MROH9: variants seen among roughly 807,000 people sequenced by gnomAD.
MROH9 encodes the protein maestro heat like repeat family member 9, also known as maestro heat-like repeat-containing protein family member 9.
Under a neutral mutation model 98.2 loss-of-function variants are expected in MROH9, and 92 were observed. That is an observed-to-expected ratio of 0.94 (90% CI 0.79 to 1.11). The LOEUF (loss-of-function observed/expected upper bound fraction) is 1.11, where lower values mean the gene tolerates loss of function less well. MROH9 is among the 50% of genes most tolerant of loss of function. The pLI, the probability that MROH9 is intolerant of heterozygous loss-of-function variation, is 0.00. For synonymous variants in MROH9, 397 were observed against 368.9 expected, an observed-to-expected ratio of 1.08 and a Z score of -0.87; for missense variants, 1,057 against 1,014.8, an observed-to-expected ratio of 1.04 and a Z score of -0.57.
In MROH9 at chr1:171,024,425, C is replaced by A. The variant is rs17346397; in HGVS notation, c.1939C>A (p.Arg647=). The change falls in exon 18 of 22, where the codon CGA becomes AGA. Residue 647 remains arginine (R), a synonymous_variant. Coordinates refer to ENST00000367759, the MANE Select transcript of MROH9 (RefSeq NM_001163629.2). ...INGGIRSMAI[R]HFGQLVRDMR... ...TGGAGGCATTCGAAGTATGGCAATTCGACACTTTGGTCAATTAGTTAGGGA... is the reference window on the plus strand; with the variant it reads ...TGGAGGCATTCGAAGTATGGCAATTAGACACTTTGGTCAATTAGTTAGGGA... The A allele has an allele frequency of 6.4e-7, 1 of 1,550,760 alleles. No individual in the cohort carries two copies. Among genetic ancestry groups the A allele is most frequent in the Admixed American group, 2.0e-5 (1 of 50,912 alleles).
chr1:170,985,956 T>C (rs1291886745), intron 9 of MROH9, among the ~76,000 whole-genome samples: 1 of 152,158 alleles, frequency 6.6e-6, no homozygotes, highest in Non-Finnish European at 1.5e-5. Flanking sequence ...GAATGACTTT[T>C]TTTTTTTCCA....
At chr1:171,013,454 A>C (rs1652226270) in intron 15 of MROH9, among the ~76,000 whole-genome samples, 1 of 152,158 alleles carries the variant, frequency 6.6e-6, no homozygotes, top group Non-Finnish European at 1.5e-5. Flanking sequence ...TCTGAGGTAG[A>C]AGAGTTTTAC....
At chr1:170,945,438 T>C (rs1240684372) in intron 1 of MROH9, 82 bp from the exon 2 acceptor site, 2 of 856,072 alleles carry the variant, frequency 2.3e-6, no homozygotes, top group Non-Finnish European at 3.9e-6. Context: ...CTGTATATCA[T>C]AGTACCATCC....
intron 15 of MROH9, among the ~76,000 whole-genome samples, chr1:171,012,374 T>C (rs1464867338): frequency 6.6e-6 from 1 of 152,176 alleles, no homozygotes; most frequent in Non-Finnish European, 1.5e-5. Flanking sequence ...ATGTGATCTG[T>C]CCTCCTCTCT....
intron 20 of MROH9, among the ~76,000 whole-genome samples, chr1:171,061,012 G>T (rs145428308): frequency 2.6e-5 from 4 of 152,166 alleles, no homozygotes; most frequent in African/African-American, 9.6e-5. Flanking sequence ...ACTTTAAAAC[G>T]TCTACAAGTA....
intron 17 of MROH9, among the ~76,000 whole-genome samples, chr1:171,019,155 A>G (rs1652428039): frequency 6.6e-6 from 1 of 152,264 alleles, no homozygotes; most frequent in Non-Finnish European, 1.5e-5. Flanking sequence ...CTCAGGATTA[A>G]GAAACTCACT....
chr1:170,939,635 C>T (rs141707190), intron 1 of MROH9, among the ~76,000 whole-genome samples: 1 of 152,284 alleles, frequency 6.6e-6, no homozygotes, highest in Admixed American at 6.5e-5. Context: ...AAGACCTGCT[C>T]AGGCCTGATC....
At chr1:170,997,013 G>C (rs888902979) in intron 14 of MROH9, among the ~76,000 whole-genome samples, 2 of 152,028 alleles carry the variant, frequency 1.3e-5, no homozygotes, top group African/African-American at 4.8e-5. Context: ...AACAGGTCCA[G>C]TAAAAACCTA....
In MROH9 at chr1:170,996,499, G is replaced by A. The variant is rs1274821875; in HGVS notation, c.1338-8G>A. The stretch of plus-strand genomic sequence containing the variant: ...ATGTGATGACTTTGCTCTCTTTTGG[G>A]GCTTTAGGTATGCCCAGGATGCCCT... On this transcript the variant is annotated splice_region_variant and splice_polypyrimidine_tract_variant and intron_variant, in intron 13 of 21. Transcript: ENST00000367759. The A allele has an allele frequency of 6.8e-6, 11 of 1,611,892 alleles. No homozygotes were observed. The highest frequency in any genetic ancestry group is 9.3e-6 in the Non-Finnish European group (11 of 1,178,990).
chr1:170,965,172 A>G lies in MROH9; in HGVS notation c.397A>G (p.Lys133Glu), dbSNP rs779820999. Residue 133 changes from lysine to glutamate, a missense_variant, in exon 7 of 22, where the codon AAA becomes GAA. Transcript: ENST00000367759. Reference sequence around the variant, plus strand: ...ACAGGAAATGCTCGTGTGGATGAGTAAAGATAGCTCATATCTGCAAGAGAG... The same window carrying G: ...ACAGGAAATGCTCGTGTGGATGAGTGAAGATAGCTCATATCTGCAAGAGAG... ...ILKEMLVWMS[K>E]DSSYLQERIM... The G allele has an allele frequency of 5.0e-6, 8 of 1,610,440 alleles. No homozygotes were observed. In the Admixed American group the frequency reaches 1.3e-4, roughly 27 times the overall value.
At chr1:171,026,213 G>GCACA (rs147755079) in intron 20 of MROH9, among the ~76,000 whole-genome samples, 127 of 149,930 alleles carry the variant, frequency 8.5e-4, no homozygotes, top group African/African-American at 3.0e-3. Flanking sequence ...GCACGTGCGC[G>GCACA]CACACACACA....
At chr1:170,970,653 C>A (rs1418002972) in intron 7 of MROH9, among the ~76,000 whole-genome samples, 1 of 151,640 alleles carries the variant, frequency 6.6e-6, no homozygotes, top group Non-Finnish European at 1.5e-5. Context: ...TGGCCTTCGC[C>A]CATGACCTAG....
At chr1:170,965,096 G>A in intron 6 of MROH9, 55 bp from the exon 7 acceptor site, 1 of 1,298,498 alleles carries the variant, frequency 7.7e-7, no homozygotes, top group East Asian at 2.4e-5. Context: ...TAGAGGAAAG[G>A]TTCTTGGAAA....
At chr1:171,054,157 C>T (rs1653755732) in intron 20 of MROH9, among the ~76,000 whole-genome samples, 1 of 152,066 alleles carries the variant, frequency 6.6e-6, no homozygotes, top group African/African-American at 2.4e-5. Context: ...GATTTCTATA[C>T]ATAAACAATA....
At chr1:171,013,468 C>T (rs569485929) in intron 15 of MROH9, among the ~76,000 whole-genome samples, 5 of 152,238 alleles carry the variant, frequency 3.3e-5, no homozygotes, top group African/African-American at 7.2e-5. Context: ...GTTTTACACC[C>T]TCCCTCCCCA....
chr1:170,948,673 G>T (rs1161749613), intron 3 of MROH9, among the ~76,000 whole-genome samples: 2 of 152,052 alleles, frequency 1.3e-5, no homozygotes, highest in Non-Finnish European at 2.9e-5. Context: ...AAATTCAGTA[G>T]TTAGAAACTG....
At chr1:170,939,511 C>T (rs1557865404) in intron 1 of MROH9, among the ~76,000 whole-genome samples, 2 of 152,222 alleles carry the variant, frequency 1.3e-5, no homozygotes, top group Non-Finnish European at 2.9e-5. Flanking sequence ...GTCAATTGAT[C>T]ATAGGGAACT....
intron 8 of MROH9, among the ~76,000 whole-genome samples, chr1:170,974,085 T>C (rs1271152690): frequency 2.0e-5 from 3 of 152,106 alleles, no homozygotes; most frequent in Admixed American, 2.0e-4. Flanking sequence ...ATTAATGAGC[T>C]TGCAGACATA....
rs541743605 is a variant in MROH9 at position 171,044,114 on chromosome 1, T to C, written c.2282-18018T>C. On this transcript the variant is annotated intron_variant, in intron 20 of 21. Coordinates refer to ENST00000367759, the MANE Select transcript of MROH9 (RefSeq NM_001163629.2). ...ATACGAACTGTGGGTCTGTCATATA[T>C]GGTTTTTATTATGTTGATGTATATT... is the stretch of plus-strand genomic sequence containing the variant. 3.9e-5 allele frequency among the ~76,000 whole-genome samples: 6 copies of C among 152,300 alleles called. No individual in the cohort carries two copies. The East Asian group carries it at 1.2e-3, about 29-fold the overall frequency.
Sources: gnomAD v4.1 joint callset for allele counts (sites outside exome capture counted in the v4.1 genomes callset) on GRCh38, gnomAD v4.1.1 for gene constraint, MANE v1.5 for transcripts, NCBI Gene and HGNC (gene_info 2026-07-23, HGNC 2026-07-21) for gene names.